The following NXPE2 variants were observed in gnomAD, a reference collection of about 807,000 sequenced individuals.
The protein encoded by NXPE2 is neurexophilin and PC-esterase domain family member 2.
NXPE2 carries 34 observed loss-of-function variants against 34.4 expected under a neutral mutation model. The observed-to-expected ratio is 0.99, with a 90% CI of 0.75 to 1.31. NXPE2 has a LOEUF of 1.31. Ranked by LOEUF, NXPE2 falls within the 40% of genes most tolerant of loss-of-function variation. NXPE2 has a pLI of 0.00. For missense variants in NXPE2, 649 were observed against 672.5 expected (o/e 0.97, Z 0.39); for synonymous variants, 235 against 231.3 (o/e 1.02, Z -0.15).
the NXPE2 span, among the ~76,000 whole-genome samples, chr11:114,554,649 A>G: frequency 8.7e-4 from 133 of 152,346 alleles, no homozygotes; most frequent in African/African-American, 3.0e-3. Context: ...CAAAGCAATA[A>G]TAATTATGAG....
chr11:114,763,476 T>C, the NXPE2 span, among the ~76,000 whole-genome samples: 1 of 152,194 alleles, frequency 6.6e-6, no homozygotes. Flanking sequence ...ATTAGCTATT[T>C]TGAAATACTG....
the NXPE2 span, among the ~76,000 whole-genome samples, chr11:114,538,800 A>G: frequency 6.6e-6 from 1 of 152,104 alleles, no homozygotes; most frequent in Non-Finnish European, 1.5e-5. Flanking sequence ...GCTGGAGAGG[A>G]TGTGGAGAAA....
chr11:114,572,596 T>A, the NXPE2 span, among the ~76,000 whole-genome samples: 1 of 152,002 alleles, frequency 6.6e-6, no homozygotes, highest in East Asian at 1.9e-4. Context: ...GCAATAGAAT[T>A]GAACAAGCAG....
the NXPE2 span, among the ~76,000 whole-genome samples, chr11:114,742,381 T>C: frequency 6.6e-6 from 1 of 152,168 alleles, no homozygotes. Flanking sequence ...TCCCATCTTC[T>C]CCCAACCACT....
the NXPE2 span, among the ~76,000 whole-genome samples, chr11:114,753,690 A>G: frequency 6.6e-6 from 1 of 152,234 alleles, no homozygotes; most frequent in Non-Finnish European, 1.5e-5. Flanking sequence ...TCAAACACAG[A>G]AAAAGTTCCC....
intron 2 of NXPE2, among the ~76,000 whole-genome samples, chr11:114,694,199 A>C (rs12226340): frequency 0.098 from 14,976 of 152,292 alleles, 876 homozygotes; most frequent in Middle Eastern, 0.21. Flanking sequence ...TTAAGATACT[A>C]TTCCCATCTC....
chr11:114,591,372 A>G, the NXPE2 span, among the ~76,000 whole-genome samples: 1 of 152,226 alleles, frequency 6.6e-6, no homozygotes, highest in Admixed American at 6.5e-5. Flanking sequence ...ACCACCAGGA[A>G]ATTAACAGGT....
At chr11:114,482,467 C>T in the NXPE2 span, among the ~76,000 whole-genome samples, 3 of 152,256 alleles carry the variant, frequency 2.0e-5, no homozygotes, top group Admixed American at 2.0e-4. Flanking sequence ...ACAGACAAAG[C>T]AATGCTAACA....
At chr11:114,748,794 G>T in the NXPE2 span, among the ~76,000 whole-genome samples, 16 of 152,096 alleles carry the variant, frequency 1.1e-4, no homozygotes, top group Admixed American at 5.9e-4. Flanking sequence ...TTTAATTAAA[G>T]TGCTGTGGGA....
chr11:114,582,479 G>T, the NXPE2 span: 1 of 1,614,124 alleles, frequency 6.2e-7, no homozygotes, highest in African/African-American at 1.3e-5. Flanking sequence ...AGTGGACTTG[G>T]GAAGTGCCAT....
chr11:114,594,385 A>C, the NXPE2 span, among the ~76,000 whole-genome samples: 2 of 152,226 alleles, frequency 1.3e-5, no homozygotes, highest in Non-Finnish European at 1.5e-5. Flanking sequence ...TGTTCTTCAG[A>C]TGTTCCCTTA....
chr11:114,522,993 G>C, the NXPE2 span: 5 of 1,613,546 alleles, frequency 3.1e-6, no homozygotes, highest in Non-Finnish European at 2.5e-6. Context: ...AACTGAACCT[G>C]GTTGCAAAAT....
the NXPE2 span, among the ~76,000 whole-genome samples, chr11:114,644,298 A>C: frequency 6.6e-6 from 1 of 152,166 alleles, no homozygotes; most frequent in Admixed American, 6.5e-5. Flanking sequence ...TACGTTGAAT[A>C]GGAGTGGTAA....
chr11:114,687,813 C>T (rs996704905), intron 2 of NXPE2, among the ~76,000 whole-genome samples: 1 of 151,914 alleles, frequency 6.6e-6, no homozygotes, highest in Non-Finnish European at 1.5e-5. Flanking sequence ...AGATCTTTCA[C>T]CTCCTTGGTT....
the NXPE2 span, among the ~76,000 whole-genome samples, chr11:114,533,186 A>G: frequency 6.6e-6 from 1 of 152,210 alleles, no homozygotes; most frequent in Non-Finnish European, 1.5e-5. Context: ...AGATGTTGTG[A>G]CTGTTTGCAA....
chr11:114,636,065 G>T, the NXPE2 span, among the ~76,000 whole-genome samples: 3 of 146,258 alleles, frequency 2.1e-5, no homozygotes, highest in Non-Finnish European at 3.0e-5. Flanking sequence ...TGTACCTCTG[G>T]TAGAATTCGA....
the NXPE2 span, among the ~76,000 whole-genome samples, chr11:114,792,346 A>C: frequency 9.9e-5 from 15 of 152,154 alleles, no homozygotes; most frequent in East Asian, 2.9e-3. Context: ...GCAAACTCTT[A>C]TTTCTATATG....
At chr11:114,693,799 T>C (rs1003539177) in intron 2 of NXPE2, among the ~76,000 whole-genome samples, 2 of 152,158 alleles carry the variant, frequency 1.3e-5, no homozygotes, top group Non-Finnish European at 2.9e-5. Context: ...CTAACATAGA[T>C]GTTGGAATTA....
chr11:114,801,766 C>A, the NXPE2 span, among the ~76,000 whole-genome samples: 1 of 151,910 alleles, frequency 6.6e-6, no homozygotes, highest in African/African-American at 2.4e-5. Flanking sequence ...AAAATAGGGA[C>A]GAGTCAGGTT....
Sources: allele counts gnomAD v4.1 joint callset (sites outside exome capture counted in the v4.1 genomes callset), GRCh38; gene constraint gnomAD v4.1.1; transcripts MANE v1.5; gene names NCBI Gene and HGNC (gene_info 2026-07-23, HGNC 2026-07-21).